C2orf49: variants seen among roughly 807,000 people sequenced by gnomAD.
The protein encoded by C2orf49 is tRNA splicing ligase complex subunit 2, also known as tRNA-splicing ligase complex subunit ASW.
C2orf49 carries 11 observed loss-of-function variants against 20.6 expected under a neutral mutation model. The ratio of observed to expected loss-of-function variants is 0.53; its 90% CI spans 0.34 to 0.88. C2orf49 has a LOEUF of 0.88. Ranked by LOEUF, C2orf49 falls within the 40% of genes least tolerant of loss-of-function variation. C2orf49 has a pLI of 0.02. For missense variants in C2orf49, 289 were observed against 274.2 expected (o/e 1.05, Z -0.38); for synonymous variants, 134 against 108.5 (o/e 1.24, Z -1.46).
Position 105,348,968 on chromosome 2 carries a change from G to C in C2orf49, c.*3597G>C, listed in dbSNP as rs1679878952. The C allele has an allele frequency of 6.6e-6, 1 of 152,086 alleles. No individual in the cohort carries two copies. The highest frequency in any genetic ancestry group is 2.4e-5 in the African/African-American group (1 of 41,396). The allele number at this position is 152,086 out of a possible 1,614,324, so 9.4% of individuals were successfully genotyped here. On this transcript the variant is annotated 3_prime_UTR_variant, in exon 4 of 4. Transcript: ENST00000258457. The stretch of plus-strand genomic sequence containing the variant: ...ATGAGAGGGTGGCTGGAGTGGTCTG[G>C]TGCTGGGATATCACGGTGCTACAGA...
chr2:105,363,003 C>A, the C2orf49 span: 1 of 388,270 alleles, frequency 2.6e-6, no homozygotes, highest in Non-Finnish European at 4.7e-6. Flanking sequence ...CACAGGCTCA[C>A]AGACTGCAGT....
the C2orf49 span, among the ~76,000 whole-genome samples, chr2:105,385,196 G>A: frequency 1.3e-5 from 2 of 152,150 alleles, no homozygotes; most frequent in Admixed American, 1.3e-4. Flanking sequence ...TACCTCTTTC[G>A]TCTCTGCTCA....
At chr2:105,374,928 T>C in the C2orf49 span, among the ~76,000 whole-genome samples, 1 of 152,200 alleles carries the variant, frequency 6.6e-6, no homozygotes, top group African/African-American at 2.4e-5. Flanking sequence ...GTAGGTATCC[T>C]GAACAGGGCA....
the C2orf49 span, among the ~76,000 whole-genome samples, chr2:105,364,635 G>A: frequency 2.8e-4 from 43 of 152,204 alleles, no homozygotes; most frequent in Non-Finnish European, 5.6e-4. Flanking sequence ...AGTGTAGGTG[G>A]CCTCAGCTTG....
the C2orf49 span, among the ~76,000 whole-genome samples, chr2:105,372,516 C>T: frequency 6.6e-6 from 1 of 152,152 alleles, no homozygotes; most frequent in Non-Finnish European, 1.5e-5. Flanking sequence ...TGAGCCACCA[C>T]ACCTGGCATC....
the C2orf49 span, among the ~76,000 whole-genome samples, chr2:105,383,727 A>G: frequency 4.6e-5 from 7 of 152,222 alleles, no homozygotes; most frequent in Non-Finnish European, 7.3e-5. Flanking sequence ...CTTTACTTCC[A>G]GAAAAAAACA....
the C2orf49 span, among the ~76,000 whole-genome samples, chr2:105,366,431 A>T: frequency 6.6e-6 from 1 of 152,192 alleles, no homozygotes; most frequent in African/African-American, 2.4e-5. Flanking sequence ...TAACAGGAGG[A>T]GAGCGAACAG....
At chr2:105,345,285 T>C in intron 3 of C2orf49, 30 bp from the exon 4 acceptor site, 1 of 1,592,184 alleles carries the variant, frequency 6.3e-7, no homozygotes, top group Non-Finnish European at 8.6e-7. Flanking sequence ...TTTCTGCAAG[T>C]ATAAACTGAT....
At chr2:105,342,817 A>G (rs1558666763) in intron 2 of C2orf49, 31 bp from the exon 3 acceptor site, 1 of 1,574,388 alleles carries the variant, frequency 6.4e-7, no homozygotes, top group Non-Finnish European at 8.6e-7. Flanking sequence ...TCCAGATGGT[A>G]TTTTTCAAGA....
At chr2:105,371,217 T>C in the C2orf49 span, among the ~76,000 whole-genome samples, 1 of 152,312 alleles carries the variant, frequency 6.6e-6, no homozygotes, top group African/African-American at 2.4e-5. Context: ...ACAGGTTTAC[T>C]TGTTGCCGTG....
chr2:105,373,473 A>G, the C2orf49 span: 1 of 1,452,474 alleles, frequency 6.9e-7, no homozygotes, highest in Non-Finnish European at 9.6e-7. Flanking sequence ...GTCTGGAACC[A>G]AGTCAATGTG....
In C2orf49 at chr2:105,339,582, G is replaced by A; in HGVS notation, c.100-1G>A. ...AATTACTTTTGTTTCCTTTCCCGCA[G>A]AAGAACATAGCTGTTGAAACTGATG... On this transcript the variant is annotated splice_acceptor_variant, in intron 1 of 3. Coordinates refer to ENST00000258457, the MANE Select transcript of C2orf49 (RefSeq NM_024093.3). LOFTEE classifies it high-confidence loss of function. 6.3e-7 allele frequency: 1 copy of A among 1,576,396 alleles called. No individual in the cohort carries two copies. Among genetic ancestry groups the A allele is most frequent in the Non-Finnish European group, 8.5e-7 (1 of 1,170,496 alleles).
chr2:105,343,303 C>T (rs565792988), intron 3 of C2orf49, 80 bp downstream of exon 3: 11 of 1,396,452 alleles, frequency 7.9e-6, no homozygotes, highest in African/African-American at 1.4e-5. Flanking sequence ...GGAGGTGGGT[C>T]GACTGTGCTA....
chr2:105,355,946 T>C, the C2orf49 span, among the ~76,000 whole-genome samples: 2 of 152,110 alleles, frequency 1.3e-5, no homozygotes, highest in Non-Finnish European at 1.5e-5. Context: ...GAATAAAACT[T>C]TTTTGTTAAG....
the C2orf49 span, among the ~76,000 whole-genome samples, chr2:105,362,793 A>G: frequency 6.6e-6 from 1 of 152,310 alleles, no homozygotes; most frequent in South Asian, 2.1e-4. Flanking sequence ...CACTTAGCTG[A>G]ATTCTTTGGG....
At chr2:105,351,597 T>C (rs1424806899), downstream of C2orf49, among the ~76,000 whole-genome samples, 1 of 152,238 alleles carries the variant, frequency 6.6e-6, no homozygotes, top group East Asian at 1.9e-4. Context: ...GCTTTGGCCA[T>C]TGAAAGCTCT....
At chr2:105,378,383 G>T in the C2orf49 span, 2 of 349,312 alleles carry the variant, frequency 5.7e-6, no homozygotes, top group South Asian at 4.4e-5. Flanking sequence ...ATCCCACCTC[G>T]CAAGGTGAAG....
chr2:105,382,841 T>C, the C2orf49 span, among the ~76,000 whole-genome samples: 2 of 152,218 alleles, frequency 1.3e-5, no homozygotes, highest in Admixed American at 1.3e-4. Flanking sequence ...ATTTGTTAAA[T>C]GCACAGTATT....
the C2orf49 span, chr2:105,373,498 G>A: frequency 6.3e-7 from 1 of 1,582,512 alleles, no homozygotes; most frequent in Non-Finnish European, 8.7e-7. Context: ...GGGGGTCAGA[G>A]GAACGTGCAC....
Sources: allele counts gnomAD v4.1 joint callset (sites outside exome capture counted in the v4.1 genomes callset), GRCh38; gene constraint gnomAD v4.1.1; transcripts MANE v1.5; gene names NCBI Gene and HGNC (gene_info 2026-07-23, HGNC 2026-07-21).